IQSEC3: variants seen among roughly 807,000 people sequenced by gnomAD.
IQSEC3 encodes IQ motif and SEC7 domain-containing protein 3.
A neutral mutation model predicts 105.4 loss-of-function variants in IQSEC3; 50 were observed. That is an observed-to-expected ratio of 0.47 (90% CI 0.38 to 0.60). IQSEC3 has a LOEUF of 0.60. Among genes scored for constraint, IQSEC3 ranks in the 20% least tolerant of loss-of-function variants. IQSEC3 has a pLI of 0.00. For synonymous variants in IQSEC3, 708 were observed against 746.0 expected (o/e 0.95, Z 0.83); for missense variants, 1,415 against 1,630.0 (o/e 0.87, Z 2.27).
intron 4 of IQSEC3, 184 bp from the exon 5 acceptor site, chr12:140,940 T>C: frequency 1.8e-6 from 1 of 567,638 alleles, no homozygotes. Context: ...CTGTCCTCCT[T>C]CTGGTCACAC....
chr12:115,139 T>C (rs1555080388), intron 2 of IQSEC3, among the ~76,000 whole-genome samples: 1 of 152,214 alleles, frequency 6.6e-6, no homozygotes. Flanking sequence ...CCTACCCTAC[T>C]GGTAATTCTG....
chr12:163,446 G>A (rs1555097034), intron 8 of IQSEC3, 48 bp from the exon 9 acceptor site: 2 of 1,526,358 alleles, frequency 1.3e-6, no homozygotes, highest in South Asian at 2.4e-5. Context: ...GGGTGGGGAG[G>A]CCTCCAGGCC....
At position 161,975 on chromosome 12, in the gene IQSEC3, T is replaced by C. The variant is rs782620740; in HGVS notation, c.2493T>C (p.Tyr831=). The part of the protein sequence containing the change: ...DIPRELVVGI[Y]ERIQQKELKS... ...CCAGGGAGCTGGTGGTAGGCATCTA[T>C]GAGAGGATACAGCAGAAGGAGCTCA... The change falls in exon 8 of 14, where the codon TAT becomes TAC. Residue 831 remains tyrosine (Y), a synonymous_variant. Transcript: ENST00000538872. 10 of 1,613,298 alleles carry C rather than the reference T, an allele frequency of 6.2e-6. No individual in the cohort carries two copies. In the African/African-American group the frequency reaches 1.2e-4, roughly 19 times the overall value.
In IQSEC3 at chr12:139,201, C is replaced by T; in HGVS notation, c.1838C>T (p.Ala613Val). The change falls in exon 4 of 14, where the codon GCG (alanine) becomes GTG (valine). Residue 613 changes from alanine (A) to valine (V), a missense_variant. This residue lies in a region of IQSEC3 where 720 missense variants were observed against 633.0 expected (regional missense o/e 1.14). Coordinates refer to ENST00000538872, the MANE Select transcript of IQSEC3 (RefSeq NM_001170738.2). ...AAGTCCGCCAAGTCAGGCTCGGAGG[C>T]GTCGGCCTCCGCCTCCAAGGACGCC... ...STKSAKSGSE[A>V]SASASKDALQ... 1 of 1,576,046 alleles carries T rather than the reference C, an allele frequency of 6.3e-7. No homozygotes were observed. The highest frequency in any genetic ancestry group is 8.6e-7 in the Non-Finnish European group (1 of 1,164,374).
chr12:95,375 A>C (rs182562227), intron 1 of IQSEC3, among the ~76,000 whole-genome samples: 30 of 152,358 alleles, frequency 2.0e-4, no homozygotes, highest in Admixed American at 1.6e-3. Flanking sequence ...AATGAACAAA[A>C]GTCCAAGATA....
chr12:165,904 C>A lies in IQSEC3; in HGVS notation c.2971+14C>A, dbSNP rs782192177. ...TCCGAATAGAGTGTAAGGACACGGG[C>A]TCCCGAGGCAGCTGGTGGGGGTTCC... On this transcript the variant is annotated intron_variant, in intron 11 of 13. Coordinates refer to ENST00000538872, the MANE Select transcript of IQSEC3 (RefSeq NM_001170738.2). 3 of 1,607,992 alleles carry A rather than the reference C, an allele frequency of 1.9e-6. No homozygotes were observed. Among genetic ancestry groups the A allele is most frequent in the Non-Finnish European group, 2.6e-6 (3 of 1,175,460 alleles).
intron 12 of IQSEC3, among the ~76,000 whole-genome samples, chr12:169,685 C>T (rs1055861191): frequency 4.6e-5 from 7 of 152,292 alleles, no homozygotes; most frequent in Admixed American, 4.6e-4. Context: ...ACACTGGCTC[C>T]AGAGCTGGCC....
intron 1 of IQSEC3, among the ~76,000 whole-genome samples, chr12:98,801 C>G (rs145440202): frequency 2.0e-5 from 3 of 152,336 alleles, no homozygotes; most frequent in African/African-American, 7.2e-5. Flanking sequence ...AAAGAACAAA[C>G]TACGATAACA....
intron 2 of IQSEC3, among the ~76,000 whole-genome samples, chr12:123,617 G>A (rs1865288509): frequency 6.6e-6 from 1 of 152,136 alleles, no homozygotes; most frequent in African/African-American, 2.4e-5. Flanking sequence ...GAGAGTGCTG[G>A]GAGGGCAGAT....
intron 3 of IQSEC3, 40 bp downstream of exon 3, chr12:125,952 G>A (rs1318916344): frequency 4.0e-6 from 6 of 1,514,758 alleles, no homozygotes; most frequent in Admixed American, 2.0e-5. Flanking sequence ...GGGTGGTGAA[G>A]GGGCCCTGCT....
At chr12:86,055 T>C (rs1211644059) in intron 1 of IQSEC3, among the ~76,000 whole-genome samples, 1 of 152,228 alleles carries the variant, frequency 6.6e-6, no homozygotes, top group East Asian at 1.9e-4. Flanking sequence ...GGCATGGCTC[T>C]GGAAAACTCA....
intron 3 of IQSEC3, among the ~76,000 whole-genome samples, chr12:127,992 G>T (rs1865471886): frequency 6.6e-6 from 1 of 152,194 alleles, no homozygotes; most frequent in African/African-American, 2.4e-5. Flanking sequence ...TGGGCAAGTT[G>T]CTTGACTTCT....
At chr12:132,136 G>A (rs782618144) in intron 3 of IQSEC3, among the ~76,000 whole-genome samples, 3 of 152,090 alleles carry the variant, frequency 2.0e-5, no homozygotes, top group Non-Finnish European at 4.4e-5. Flanking sequence ...GCTGCATGGA[G>A]GAGACACATT....
intron 3 of IQSEC3, among the ~76,000 whole-genome samples, chr12:130,814 C>T (rs782672234): frequency 2.0e-4 from 31 of 152,238 alleles, no homozygotes; most frequent in Non-Finnish European, 3.7e-4. Flanking sequence ...TCCTGTGGGC[C>T]TCTCTGAACA....
rs1555096359 is a variant in IQSEC3 at position 161,911 on chromosome 12, A to ACT, written c.2444-13_2444-12dup. On this transcript the variant is annotated splice_polypyrimidine_tract_variant and intron_variant, in intron 7 of 13. Transcript: ENST00000538872. ...CCCAACCCCACCACCACCCCTGCCCACTCCACGTTGTTAGGTGTGGACGAT... is the reference window on the plus strand; with the variant it reads ...CCCAACCCCACCACCACCCCTGCCCACTCTCCACGTTGTTAGGTGTGGACGAT... 1 of 1,448,010 alleles carries ACT rather than the reference A, an allele frequency of 6.9e-7. No homozygotes were observed. Among genetic ancestry groups the ACT allele is most frequent in the Admixed American group, 2.0e-5 (1 of 51,264 alleles). 89.7% of individuals were successfully genotyped at this position (1,448,010 alleles called of 1,614,324 possible).
chr12:70,810 C>T (rs1273511025), intron 1 of IQSEC3, among the ~76,000 whole-genome samples: 2 of 152,254 alleles, frequency 1.3e-5, no homozygotes, highest in Non-Finnish European at 2.9e-5. Context: ...TCTTGCATCC[C>T]CATTCAAATT....
At chr12:133,654 T>A (rs570361956) in intron 3 of IQSEC3, among the ~76,000 whole-genome samples, 53 of 150,982 alleles carry the variant, frequency 3.5e-4, no homozygotes, top group African/African-American at 7.3e-4. Flanking sequence ...GGAGGTTCAG[T>A]GTAAAATAGG....
Position 152,900 on chromosome 12 carries a change from A to T in IQSEC3, c.2154-4125A>T, listed in dbSNP as rs1866555785. Among the ~76,000 whole-genome samples the T allele has an allele frequency of 6.6e-6, 1 of 152,150 alleles. No homozygotes were observed. The highest frequency in any genetic ancestry group is 2.4e-5 in the African/African-American group (1 of 41,424). ...GGGAATGTGTGGTGCTCTTTACCTTAAAGATGACCAATGAGGAGAGATGAC... is the reference window on the plus strand; with the variant it reads ...GGGAATGTGTGGTGCTCTTTACCTTTAAGATGACCAATGAGGAGAGATGAC... On this transcript the variant is annotated intron_variant, in intron 5 of 13. Coordinates refer to ENST00000538872, the MANE Select transcript of IQSEC3 (RefSeq NM_001170738.2). This position sits in a 1 kb window ranked among gnomAD's most constrained non-coding sequence, Gnocchi z 4.8.
intron 10 of IQSEC3, 90 bp downstream of exon 10, chr12:165,623 G>T (rs782752946): frequency 3.7e-5 from 58 of 1,567,180 alleles, no homozygotes; most frequent in Non-Finnish European, 4.7e-5. Flanking sequence ...CTGGACAGCA[G>T]AGTGGGTGGA....
Sources: gnomAD v4.1 joint callset for allele counts (sites outside exome capture counted in the v4.1 genomes callset) on GRCh38, gnomAD v4.1.1 for gene constraint, gnomAD v4.1.1 regional missense constraint, Gnocchi (gnomAD v3.1) non-coding constraint, MANE v1.5 for transcripts, NCBI Gene and HGNC (gene_info 2026-07-23, HGNC 2026-07-21) for gene names.